Variants in LITAF observed in about 807,000 individuals in gnomAD.
The protein encoded by LITAF is lipopolysaccharide-induced tumor necrosis factor-alpha factor.
Under a neutral mutation model 14.5 loss-of-function variants are expected in LITAF, and 9 were observed. The ratio of observed to expected loss-of-function variants is 0.62; its 90% CI spans 0.37 to 1.08. LITAF has a LOEUF of 1.08. LITAF is among the 50% of genes least tolerant of loss of function. The pLI, the probability that LITAF is intolerant of heterozygous loss-of-function variation, is 0.01. For missense variants in LITAF, 206 were observed against 213.4 expected, an observed-to-expected ratio of 0.97 and a Z score of 0.22; for synonymous variants, 98 against 88.2, an observed-to-expected ratio of 1.11 and a Z score of -0.62.
chr16:11,577,003 C>G lies in LITAF; in HGVS notation c.-6+9883G>C, dbSNP rs112974005. 2.8e-3 allele frequency among the ~76,000 whole-genome samples: 423 copies of G among 152,302 alleles called. 2 individuals carry two copies. Among genetic ancestry groups the G allele is most frequent in the African/African-American group, 9.8e-3 (409 of 41,562 alleles). The stretch of plus-strand genomic sequence containing the variant: ...GTGGTGGTGGACATTGCCTGTCAAG[C>G]GCTTTTCATGCCTGTTTCACATCCC... On this transcript the variant is annotated intron_variant, in intron 1 of 3. Transcript: ENST00000622633.
intron 3 of LITAF, among the ~76,000 whole-genome samples, chr16:11,614,964 T>C (rs1413902956): frequency 6.6e-6 from 1 of 152,212 alleles, no homozygotes; most frequent in Non-Finnish European, 1.5e-5. Flanking sequence ...TGTGGCCCGC[T>C]GTCAGATGGG....
At chr16:11,619,253 G>A (rs1241210840) in intron 3 of LITAF, among the ~76,000 whole-genome samples, 1 of 151,806 alleles carries the variant, frequency 6.6e-6, no homozygotes, top group Non-Finnish European at 1.5e-5. Context: ...AGAGGTTGCA[G>A]TGAGCCGAGA....
chr16:11,556,425 T>C (rs1328904907), intron 2 of LITAF, 86 bp downstream of exon 2: 2 of 1,221,524 alleles, frequency 1.6e-6, no homozygotes, highest in Admixed American at 2.2e-5. Flanking sequence ...ACTTAGACTC[T>C]TTGGCAGAGT....
chr16:11,587,845 G>C (rs552912082), upstream of LITAF, among the ~76,000 whole-genome samples: 13 of 152,180 alleles, frequency 8.5e-5, no homozygotes, highest in African/African-American at 3.1e-4. Context: ...AGTACACAGA[G>C]TCAGGAGATG....
intron 1 of LITAF, among the ~76,000 whole-genome samples, chr16:11,576,173 C>G (rs28586907): frequency 1.1e-4 from 16 of 151,592 alleles, no homozygotes; most frequent in Non-Finnish European, 2.2e-4. Context: ...TAATCTTTTT[C>G]TAAAATCGAT....
intron 3 of LITAF, among the ~76,000 whole-genome samples, chr16:11,613,435 C>T (rs9932684): frequency 0.51 from 77,345 of 152,022 alleles, 22,052 homozygotes; most frequent in African/African-American, 0.78. Flanking sequence ...ACCATCTGGG[C>T]AATTCAGACA....
chr16:11,590,703 A>G (rs2064841691), upstream of LITAF, among the ~76,000 whole-genome samples: 1 of 118,182 alleles, frequency 8.5e-6, no homozygotes, highest in Non-Finnish European at 1.7e-5. Context: ...AAACTGATGT[A>G]CGGGTCCAAT....
intron 3 of LITAF, among the ~76,000 whole-genome samples, chr16:11,552,923 G>A (rs2064203279): frequency 6.6e-6 from 1 of 152,028 alleles, no homozygotes; most frequent in Non-Finnish European, 1.5e-5. Flanking sequence ...AGACCAGCCT[G>A]GCCAACATGG....
chr16:11,606,737 C>T (rs369211112), intron 3 of LITAF, among the ~76,000 whole-genome samples: 1 of 151,980 alleles, frequency 6.6e-6, no homozygotes, highest in African/African-American at 2.4e-5. Context: ...CGGGTTCAAT[C>T]GAATTTCCTG....
At chr16:11,613,491 C>A (rs2064996145) in intron 3 of LITAF, among the ~76,000 whole-genome samples, 1 of 152,202 alleles carries the variant, frequency 6.6e-6, no homozygotes, top group Non-Finnish European at 1.5e-5. Flanking sequence ...CCTGTTTAGA[C>A]CTGCCCCACC....
chr16:11,580,672 A>G (rs1757847501), intron 1 of LITAF, among the ~76,000 whole-genome samples: 1 of 152,184 alleles, frequency 6.6e-6, no homozygotes, highest in African/African-American at 2.4e-5. Flanking sequence ...TTTTATCTGC[A>G]TTAACAAGGC....
intron 1 of LITAF, among the ~76,000 whole-genome samples, chr16:11,572,992 A>C (rs552391451): frequency 1.3e-5 from 2 of 149,926 alleles, no homozygotes; most frequent in South Asian, 4.2e-4. Flanking sequence ...GCAGTGGCGC[A>C]ATCTCAGCTC....
chr16:11,625,478 G>T (rs776386571), intron 3 of LITAF, among the ~76,000 whole-genome samples: 16 of 152,006 alleles, frequency 1.1e-4, no homozygotes, highest in Non-Finnish European at 2.4e-4. Context: ...GCCTAGGCTG[G>T]TCTCCAACTC....
At position 11,548,836 on chromosome 16, in the gene LITAF, T is replaced by C. The variant is rs1567232490; in HGVS notation, c.*801A>G. 1 of 453,410 alleles carries C rather than the reference T, an allele frequency of 2.2e-6. No individual in the cohort carries two copies. The highest frequency in any genetic ancestry group is 4.4e-6 in the Non-Finnish European group (1 of 226,700). The allele number at this position is 453,410 out of a possible 1,614,324, so 28.1% of individuals were successfully genotyped here. The stretch of plus-strand genomic sequence containing the variant: ...GTTTTTTTTTAAAAAAAAGAAATTC[T>C]GTTCAAAAGTATTTCAGACCAAAAG... On this transcript the variant is annotated 3_prime_UTR_variant, in exon 4 of 4. Transcript: ENST00000622633.
At chr16:11,571,477 A>G (rs1432332105) in intron 1 of LITAF, among the ~76,000 whole-genome samples, 1 of 152,076 alleles carries the variant, frequency 6.6e-6, no homozygotes, top group African/African-American at 2.4e-5. Context: ...TGAGTTAGAA[A>G]ACTCATCCAT....
chr16:11,565,821 T>TATCATATCCC (rs67247305), intron 1 of LITAF, among the ~76,000 whole-genome samples: 95,209 of 151,244 alleles, frequency 0.63, 30,442 homozygotes, highest in African/African-American at 0.71. Context: ...AAATTCCGCT[T>TATCATATCCC]AGCTTGCGTG....
intron 3 of LITAF, among the ~76,000 whole-genome samples, chr16:11,604,008 C>T (rs1025673317): frequency 6.6e-6 from 1 of 152,030 alleles, no homozygotes; most frequent in Non-Finnish European, 1.5e-5. Flanking sequence ...GATCACGCCA[C>T]TGCACTCCAG....
At chr16:11,581,035 G>A (rs1167379984) in intron 1 of LITAF, among the ~76,000 whole-genome samples, 1 of 152,212 alleles carries the variant, frequency 6.6e-6, no homozygotes, top group Non-Finnish European at 1.5e-5. Flanking sequence ...AGAGTGCTGG[G>A]ATTACAGGCA....
At chr16:11,608,782 G>C (rs974711687) in intron 3 of LITAF, among the ~76,000 whole-genome samples, 1 of 152,146 alleles carries the variant, frequency 6.6e-6, no homozygotes, top group African/African-American at 2.4e-5. Context: ...GGCCAACATG[G>C]TGAAACCCTG....
Sources: gnomAD v4.1 joint callset for allele counts (sites outside exome capture counted in the v4.1 genomes callset) on GRCh38, gnomAD v4.1.1 for gene constraint, MANE v1.5 for transcripts, NCBI Gene and HGNC (gene_info 2026-07-23, HGNC 2026-07-21) for gene names.